The following ZMYM2 variants were observed in gnomAD, a reference collection of about 807,000 sequenced individuals.
ZMYM2 encodes zinc finger MYM-type containing 2, also known as zinc finger MYM-type protein 2.
Under a neutral mutation model 162.8 loss-of-function variants are expected in ZMYM2, and 56 were observed. The ratio of observed to expected loss-of-function variants is 0.34; its 90% confidence interval spans 0.28 to 0.43. The LOEUF is 0.43. Ranked by LOEUF, ZMYM2 falls within the 20% of genes least tolerant of loss-of-function variation. The probability of loss-of-function intolerance (pLI) is 1.00; values close to 1 mark genes in which losing one functional copy is unlikely to be tolerated. For synonymous variants in ZMYM2, 510 were observed against 541.6 expected (o/e 0.94, Z 0.81); for missense variants, 1,275 against 1,621.8 (o/e 0.79, Z 3.67).
chr13:20,076,616 T>A (rs1423145679), intron 21 of ZMYM2, among the ~76,000 whole-genome samples: 1 of 148,158 alleles, frequency 6.7e-6, no homozygotes, highest in Non-Finnish European at 1.5e-5. Context: ...TTTTATTTTT[T>A]ACTTTCTACA....
chr13:19,877,211 CAAAAA>C, the ZMYM2 span, among the ~76,000 whole-genome samples: 1 of 126,548 alleles, frequency 7.9e-6, no homozygotes, highest in Admixed American at 8.1e-5. Context: ...GACTCCGTCT[CAAAAA>C]AAAAAAAAAA....
the ZMYM2 span, among the ~76,000 whole-genome samples, chr13:19,910,207 A>G: frequency 2.0e-5 from 3 of 152,062 alleles, no homozygotes; most frequent in East Asian, 5.8e-4. Context: ...AGCCTGGGCA[A>G]TGGAGCGAAA....
At chr13:19,934,758 T>C in the ZMYM2 span, among the ~76,000 whole-genome samples, 2 of 52,350 alleles carry the variant, frequency 3.8e-5, no homozygotes, top group African/African-American at 6.6e-5. Context: ...TTTTCTTTTT[T>C]CTTTCTTTCT....
chr13:19,921,988 A>C, the ZMYM2 span, among the ~76,000 whole-genome samples: 1 of 151,656 alleles, frequency 6.6e-6, no homozygotes, highest in South Asian at 2.1e-4. Flanking sequence ...ATCTCGGCTT[A>C]CTGCAACCTC....
At chr13:19,885,813 C>T in the ZMYM2 span, among the ~76,000 whole-genome samples, 2 of 145,926 alleles carry the variant, frequency 1.4e-5, no homozygotes, top group Non-Finnish European at 3.0e-5. Flanking sequence ...CAATACTGCA[C>T]TCCAGCCTGG....
chr13:19,891,301 A>C, the ZMYM2 span, among the ~76,000 whole-genome samples: 1 of 151,858 alleles, frequency 6.6e-6, no homozygotes, highest in Non-Finnish European at 1.5e-5. Flanking sequence ...CCATCTGTAA[A>C]CCACGAAGAA....
At chr13:19,917,209 G>A in the ZMYM2 span, among the ~76,000 whole-genome samples, 105 of 152,144 alleles carry the variant, frequency 6.9e-4, no homozygotes, top group African/African-American at 2.4e-3. Flanking sequence ...TGATCCGCCC[G>A]CCTTGGCCTC....
rs544659997 is a variant in ZMYM2 at position 20,003,176 on chromosome 13, T to C, written c.1133+41T>C. ...CAACATAATTACATATAGTTGAATT[T>C]TGGAGTTGTAAAATTTTAAGAAAAG... On this transcript the variant is annotated intron_variant, in intron 4 of 24. Transcript: ENST00000610343. The C allele has an allele frequency of 2.1e-5, 32 of 1,559,724 alleles. No individual in the cohort carries two copies. In the African/African-American group the frequency reaches 4.3e-4, roughly 21 times the overall value.
chr13:20,030,874 A>G (rs1309197223), intron 9 of ZMYM2, among the ~76,000 whole-genome samples: 1 of 152,204 alleles, frequency 6.6e-6, no homozygotes, highest in Non-Finnish European at 1.5e-5. Context: ...AATGAAAATT[A>G]TAGTAGGGAT....
chr13:20,018,587 A>G (rs997464418), intron 6 of ZMYM2, among the ~76,000 whole-genome samples: 1 of 152,198 alleles, frequency 6.6e-6, no homozygotes, highest in Non-Finnish European at 1.5e-5. Context: ...GTGTATTGAT[A>G]CACTTAGTTA....
In ZMYM2 at chr13:20,005,063, T is replaced by A. The variant is rs1185060263; in HGVS notation, c.1134-11T>A. 6.3e-6 allele frequency: 10 copies of A among 1,588,208 alleles called. No homozygotes were observed. Among genetic ancestry groups the A allele is most frequent in the Non-Finnish European group, 8.5e-6 (10 of 1,171,864 alleles). ...AAAATGGAATTTTAATATGTACCAC[T>A]TATTTTTCAGAGATATAACTACAAT... On this transcript the variant is annotated splice_polypyrimidine_tract_variant and intron_variant, in intron 4 of 24. Transcript: ENST00000610343.
At chr13:20,074,221 T>C (rs1957310421) in intron 21 of ZMYM2, among the ~76,000 whole-genome samples, 1 of 148,836 alleles carries the variant, frequency 6.7e-6, no homozygotes, top group South Asian at 2.1e-4. Flanking sequence ...TGTGTGTGTG[T>C]GTGTGTGTGT....
chr13:19,907,365 G>A, the ZMYM2 span, among the ~76,000 whole-genome samples: 1 of 152,094 alleles, frequency 6.6e-6, no homozygotes, highest in Admixed American at 6.6e-5. Context: ...TATAACAAAT[G>A]TGCTGCTTTG....
intron 1 of ZMYM2, among the ~76,000 whole-genome samples, chr13:19,959,205 G>A (rs1954878941): frequency 6.7e-6 from 1 of 148,670 alleles, no homozygotes; most frequent in Non-Finnish European, 1.5e-5. Flanking sequence ...GGCGGGGCGG[G>A]GGTGCCGGCC....
chr13:19,872,789 A>G, the ZMYM2 span, among the ~76,000 whole-genome samples: 3 of 152,114 alleles, frequency 2.0e-5, no homozygotes, highest in East Asian at 5.8e-4. Flanking sequence ...ACTTGAGGCC[A>G]GGAGTTTGAG....
At chr13:20,061,358 G>C in intron 17 of ZMYM2, 134 bp downstream of exon 17, 1 of 782,638 alleles carries the variant, frequency 1.3e-6, no homozygotes, top group African/African-American at 2.7e-5. Context: ...TAACAAAAAT[G>C]TTTTTTATAT....
At chr13:20,083,496 C>T in intron 23 of ZMYM2, 160 bp from the exon 24 acceptor site, 2 of 612,004 alleles carry the variant, frequency 3.3e-6, no homozygotes, top group Non-Finnish European at 5.6e-6. Context: ...TAAGATGTCT[C>T]AGTTCCTTTT....
At chr13:19,879,907 G>A in the ZMYM2 span, among the ~76,000 whole-genome samples, 2 of 152,210 alleles carry the variant, frequency 1.3e-5, no homozygotes, top group African/African-American at 4.8e-5. Flanking sequence ...ATGTGCGTAA[G>A]CATTCTGCAA....
intron 5 of ZMYM2, among the ~76,000 whole-genome samples, chr13:20,005,535 T>G (rs546023260): frequency 1.3e-5 from 2 of 152,094 alleles, no homozygotes; most frequent in Non-Finnish European, 2.9e-5. Context: ...TGAGGTTGAT[T>G]TTTGTCTAGT....
Sources: gnomAD v4.1 joint callset for allele counts (sites outside exome capture counted in the v4.1 genomes callset) on GRCh38, gnomAD v4.1.1 for gene constraint, MANE v1.5 for transcripts, NCBI Gene and HGNC (gene_info 2026-07-23, HGNC 2026-07-21) for gene names.